KCNH1: variants seen among roughly 807,000 people sequenced by gnomAD.
KCNH1 encodes the protein potassium voltage-gated channel subfamily H member 1, also known as voltage-gated delayed rectifier potassium channel KCNH1.
In KCNH1, 27 loss-of-function variants were observed where a neutral mutation model predicts 69.2. The observed-to-expected ratio is 0.39, with a 90% CI of 0.29 to 0.54. The LOEUF (loss-of-function observed/expected upper bound fraction) is 0.54. Ranked by LOEUF, KCNH1 falls within the 20% of genes least tolerant of loss-of-function variation. The pLI is 0.68. For synonymous variants in KCNH1, 456 were observed against 487.7 expected (o/e 0.93, Z 0.86); for missense variants, 798 against 1,261.6 (o/e 0.63, Z 5.57).
At chr1:210,926,654 G>A (rs1409984877) in intron 6 of KCNH1, among the ~76,000 whole-genome samples, 1 of 152,004 alleles carries the variant, frequency 6.6e-6, no homozygotes, top group Non-Finnish European at 1.5e-5. Context: ...GACAAAACAA[G>A]CTTCTTTAAC....
chr1:210,792,117 C>T (rs1574258762), intron 9 of KCNH1, among the ~76,000 whole-genome samples: 2 of 152,200 alleles, frequency 1.3e-5, no homozygotes, highest in East Asian at 3.9e-4. Context: ...TTGACTTCTC[C>T]AGTCACTTTC....
chr1:211,111,373 C>CT (rs1691458195), intron 1 of KCNH1, among the ~76,000 whole-genome samples: 1 of 144,284 alleles, frequency 6.9e-6, no homozygotes, highest in South Asian at 2.3e-4. Context: ...AGGAGCACCT[C>CT]TGCCCGGCCA....
Position 211,120,170 on chromosome 1 carries a change from T to A in KCNH1, c.80-12793A>T, listed in dbSNP as rs965816893. 7.2e-5 allele frequency among the ~76,000 whole-genome samples: 11 copies of A among 151,880 alleles called. 1 individual carries two copies. The highest frequency in any genetic ancestry group is 2.4e-4 in the African/African-American group (10 of 41,310). ...TCAATAGATTAATCAATCCATTGAA[T>A]TGATTGATTATATATATACATTTTT... On this transcript the variant is annotated intron_variant, in intron 1 of 10. Coordinates refer to ENST00000271751, the MANE Select transcript of KCNH1 (RefSeq NM_172362.3).
At chr1:210,692,253 C>T (rs1681543444) in intron 10 of KCNH1, among the ~76,000 whole-genome samples, 1 of 152,204 alleles carries the variant, frequency 6.6e-6, no homozygotes, top group African/African-American at 2.4e-5. Flanking sequence ...GACATATCTA[C>T]TTTTGACAGA....
chr1:210,833,415 GA>G (rs1685208346), intron 7 of KCNH1, among the ~76,000 whole-genome samples: 2 of 151,994 alleles, frequency 1.3e-5, no homozygotes, highest in South Asian at 4.1e-4. Context: ...ACAAACCTGA[GA>G]AAAACAAGCA....
At chr1:211,103,749 A>G (rs1239778432) in intron 2 of KCNH1, 147 bp from the exon 3 acceptor site, 5 of 568,192 alleles carry the variant, frequency 8.8e-6, no homozygotes, top group East Asian at 6.0e-5. Flanking sequence ...ACTCAAAAAA[A>G]TTTACTGATT....
intron 6 of KCNH1, among the ~76,000 whole-genome samples, chr1:210,975,889 C>T (rs1312966715): frequency 6.6e-6 from 1 of 152,056 alleles, no homozygotes; most frequent in East Asian, 1.9e-4. Context: ...ACAAAGAACT[C>T]AAACAAACTT....
intron 10 of KCNH1, among the ~76,000 whole-genome samples, chr1:210,762,421 GATC>G (rs1683541396): frequency 6.6e-6 from 1 of 151,992 alleles, no homozygotes; most frequent in African/African-American, 2.4e-5. Flanking sequence ...CCATAGGGAG[GATC>G]AACAAAACAG....
intron 7 of KCNH1, among the ~76,000 whole-genome samples, chr1:210,804,534 T>C (rs1467768925): frequency 2.6e-5 from 4 of 152,338 alleles, no homozygotes; most frequent in East Asian, 1.9e-4. Context: ...GTTTGAGCCA[T>C]GCCTGAGGTC....
Position 210,729,507 on chromosome 1 carries a change from T to C in KCNH1, c.2113-45369A>G, listed in dbSNP as rs1574216529. Among the ~76,000 whole-genome samples the C allele has an allele frequency of 2.0e-5, 3 of 152,356 alleles. No homozygotes were observed. In the South Asian group the frequency reaches 6.2e-4, roughly 32 times the overall value. On this transcript the variant is annotated intron_variant, in intron 10 of 10. Coordinates refer to ENST00000271751, the MANE Select transcript of KCNH1 (RefSeq NM_172362.3). The stretch of plus-strand genomic sequence containing the variant: ...TGTGAGCTGTGACACCACATTTCTC[T>C]TCACTCAAGAAAGCATATTGAAACT...
intron 6 of KCNH1, among the ~76,000 whole-genome samples, chr1:210,962,875 C>G (rs565857739): frequency 8.7e-5 from 13 of 149,434 alleles, no homozygotes; most frequent in African/African-American, 3.0e-4. Flanking sequence ...CTAACAGTAT[C>G]TAGTTGCAGT....
intron 6 of KCNH1, among the ~76,000 whole-genome samples, chr1:211,000,952 C>G (rs1214819628): frequency 6.6e-6 from 1 of 152,020 alleles, no homozygotes; most frequent in African/African-American, 2.4e-5. Context: ...GGAAAACTGG[C>G]TAGCCATATG....
chr1:210,805,057 T>G (rs1032661142), intron 7 of KCNH1, among the ~76,000 whole-genome samples: 1 of 152,194 alleles, frequency 6.6e-6, no homozygotes, highest in Non-Finnish European at 1.5e-5. Flanking sequence ...CCTATACACC[T>G]TTTGCCCTCC....
At chr1:210,979,423 AC>A (rs1275630159) in intron 6 of KCNH1, among the ~76,000 whole-genome samples, 5 of 152,158 alleles carry the variant, frequency 3.3e-5, no homozygotes, top group African/African-American at 1.2e-4. Flanking sequence ...TGCCAACCTC[AC>A]TGAGCCATAG....
intron 5 of KCNH1, among the ~76,000 whole-genome samples, chr1:211,035,831 T>C (rs941899955): frequency 3.3e-5 from 5 of 152,232 alleles, no homozygotes; most frequent in Non-Finnish European, 4.4e-5. Flanking sequence ...CTGGCTCCAA[T>C]AGTCCTTTCA....
intron 6 of KCNH1, among the ~76,000 whole-genome samples, chr1:210,994,657 G>C (rs190317021): frequency 1.3e-5 from 2 of 152,108 alleles, no homozygotes; most frequent in South Asian, 4.1e-4. Context: ...AATTGTAATC[G>C]TTTAGAAAAT....
intron 7 of KCNH1, chr1:210,858,574 A>T (rs763214035): frequency 6.6e-6 from 1 of 152,322 alleles, no homozygotes; most frequent in Non-Finnish European, 1.5e-5. Context: ...ACAGAGTTTT[A>T]TAATCAGTTA....
intron 7 of KCNH1, among the ~76,000 whole-genome samples, chr1:210,910,760 G>T (rs1687212378): frequency 6.6e-6 from 1 of 152,226 alleles, no homozygotes; most frequent in Non-Finnish European, 1.5e-5. Flanking sequence ...GGTGAATAAA[G>T]AATGTGTATA....
intron 9 of KCNH1, among the ~76,000 whole-genome samples, chr1:210,795,397 T>G: frequency 6.6e-6 from 1 of 152,158 alleles, no homozygotes. Flanking sequence ...TCCACCCGTC[T>G]CAGCCACCTG....
Sources: gnomAD v4.1 joint callset for allele counts (sites outside exome capture counted in the v4.1 genomes callset) on GRCh38, gnomAD v4.1.1 for gene constraint, MANE v1.5 for transcripts, NCBI Gene and HGNC (gene_info 2026-07-23, HGNC 2026-07-21) for gene names.